The following PAX2 variants were observed in gnomAD, a reference collection of about 807,000 sequenced individuals.
PAX2 encodes the protein paired box protein Pax-2.
In PAX2, 9 loss-of-function variants were observed where a neutral mutation model predicts 41.7. That is an observed-to-expected ratio of 0.22 (90% CI 0.13 to 0.38). PAX2 has a LOEUF of 0.38. PAX2 is among the 10% of genes least tolerant of loss of function. The pLI is 1.00. For missense variants in PAX2, 418 were observed against 531.6 expected (o/e 0.79, Z 2.10); for synonymous variants, 221 against 212.7 (o/e 1.04, Z -0.34).
At chr10:100,774,804 C>T (rs1306884928) in intron 3 of PAX2, among the ~76,000 whole-genome samples, 12 of 152,186 alleles carry the variant, frequency 7.9e-5, no homozygotes, top group Non-Finnish European at 1.3e-4. Context: ...TCACAGGAAA[C>T]AAGTAACAAA....
intron 5 of PAX2, among the ~76,000 whole-genome samples, chr10:100,793,772 ACTGACACCT>A (rs1847223148): frequency 6.6e-6 from 1 of 152,036 alleles, no homozygotes. Flanking sequence ...TACTGAGGAA[ACTGACACCT>A]TCCTCTCTGG....
chr10:100,819,361 G>A (rs747912066), intron 7 of PAX2, among the ~76,000 whole-genome samples: 5 of 152,094 alleles, frequency 3.3e-5, no homozygotes, highest in Admixed American at 2.6e-4. Flanking sequence ...CTGAGGTCAG[G>A]AGTTGGAGAC....
chr10:100,739,014 G>GACACACACACAC (rs61617727), intron 1 of PAX2, among the ~76,000 whole-genome samples: 3,578 of 138,286 alleles, frequency 0.026, 86 homozygotes, highest in Middle Eastern at 0.039. Flanking sequence ...CGCGCACGCG[G>GACACACACACAC]ACACACACAC....
In PAX2 at chr10:100,829,338, C is replaced by T. The variant is rs930930412; in HGVS notation, c.*1719C>T. 1 of 221,842 alleles carries T rather than the reference C, an allele frequency of 4.5e-6. No homozygotes were observed. The highest frequency in any genetic ancestry group is 5.7e-5 in the Admixed American group (1 of 17,396). The allele number at this position is 221,842 out of a possible 1,614,324, so 13.7% of individuals were successfully genotyped here. On this transcript the variant is annotated 3_prime_UTR_variant, in exon 10 of 10. Coordinates refer to ENST00000355243, the MANE Select transcript of PAX2 (RefSeq NM_000278.5). ...TCTTTCCTCGGCCTCTCTCCCCAGA[C>T]CTGGCCCGGCCGCCCTGTCTCCGCA... is the stretch of plus-strand genomic sequence containing the variant.
Position 100,750,510 on chromosome 10 carries a change from C to T in PAX2, c.213-184C>T, listed in dbSNP as rs923161481. Among the ~76,000 whole-genome samples the T allele has an allele frequency of 2.0e-5, 3 of 152,218 alleles. No homozygotes were observed. Among genetic ancestry groups the T allele is most frequent in the African/African-American group, 7.2e-5 (3 of 41,468 alleles). On this transcript the variant is annotated intron_variant, in intron 2 of 9. Coordinates refer to ENST00000355243, the MANE Select transcript of PAX2 (RefSeq NM_000278.5). The surrounding 1 kb of genome is among the most constrained non-coding windows in gnomAD (Gnocchi z 4.1). Reference sequence around the variant, plus strand: ...CTGGAGGGATGGTACCCCTTGTCCTCCTACTCCGCGGCGCTCCTCCTAGCC... The same window carrying T: ...CTGGAGGGATGGTACCCCTTGTCCTTCTACTCCGCGGCGCTCCTCCTAGCC...
intron 3 of PAX2, among the ~76,000 whole-genome samples, chr10:100,756,502 G>C (rs929516538): frequency 6.6e-6 from 1 of 152,164 alleles, no homozygotes; most frequent in Non-Finnish European, 1.5e-5. Flanking sequence ...TCAATAAATT[G>C]CATGAGATAT....
chr10:100,790,736 G>C (rs1388237871), intron 5 of PAX2, among the ~76,000 whole-genome samples: 1 of 152,152 alleles, frequency 6.6e-6, no homozygotes, highest in African/African-American at 2.4e-5. Flanking sequence ...CAGCCTCCTT[G>C]ACCATTGCTG....
intron 3 of PAX2, among the ~76,000 whole-genome samples, chr10:100,772,899 G>A (rs879065199): frequency 6.6e-6 from 1 of 152,234 alleles, no homozygotes; most frequent in Admixed American, 6.5e-5. Flanking sequence ...CATACTTGGA[G>A]ATCCAATGTA....
intron 4 of PAX2, among the ~76,000 whole-genome samples, chr10:100,780,193 A>G (rs1216697836): frequency 1.3e-5 from 2 of 151,076 alleles, no homozygotes. Context: ...TGTCTCACCC[A>G]CTCTGTATCT....
At position 100,828,595 on chromosome 10, in the gene PAX2, C is replaced by G. The variant is rs747147453; in HGVS notation, c.*976C>G. 8.2e-5 allele frequency: 19 copies of G among 233,100 alleles called. No individual in the cohort carries two copies. The highest frequency in any genetic ancestry group is 1.5e-4 in the Non-Finnish European group (18 of 118,134). 14.4% of individuals were successfully genotyped at this position (233,100 alleles called of 1,614,324 possible). A position where few individuals can be genotyped will look rare whatever the true frequency, so the allele number is the denominator to read the frequency against. Reference sequence around the variant, plus strand: ...AGGACCAGTTTCCATAGACTGCGGACTGGGGTCTTCCTCCAGCAGTTACTT... The same window carrying G: ...AGGACCAGTTTCCATAGACTGCGGAGTGGGGTCTTCCTCCAGCAGTTACTT... On this transcript the variant is annotated 3_prime_UTR_variant, in exon 10 of 10. Transcript: ENST00000355243. This position sits in a 1 kb window ranked among gnomAD's most constrained non-coding sequence, Gnocchi z 6.5.
upstream of PAX2, among the ~76,000 whole-genome samples, chr10:100,742,843 C>CATTTTTTT (rs1845014342): frequency 2.4e-5 from 1 of 41,206 alleles, no homozygotes; most frequent in South Asian, 1.1e-3. Flanking sequence ...TTCTTTCTTC[C>CATTTTTTT]TTTTTTTTTT....
chr10:100,760,011 A>G (rs1023501979), intron 3 of PAX2, among the ~76,000 whole-genome samples: 2 of 152,204 alleles, frequency 1.3e-5, no homozygotes, highest in African/African-American at 4.8e-5. Context: ...ACACTCATTC[A>G]GCCTCTTAGT....
chr10:100,755,992 C>T (rs922377619), intron 3 of PAX2, among the ~76,000 whole-genome samples: 1 of 152,006 alleles, frequency 6.6e-6, no homozygotes, highest in East Asian at 1.9e-4. Flanking sequence ...GAATGACAGG[C>T]AATGTTGGAA....
rs201775091 is a variant in PAX2, at chr10:100,779,564, C to T, written c.477C>T (p.Thr159=). The T allele has an allele frequency of 1.1e-5, 18 of 1,589,638 alleles. No individual in the cohort carries two copies. The highest frequency in any genetic ancestry group is 1.7e-4 in the Middle Eastern group (1 of 6,040). ...CGGATGGGGCTGGGACAGGAGTGAC[C>T]GCCCCTGGCCACACCATTGGTAAGA... ...PTPDGAGTGV[T]APGHTIVPST... is the part of the protein sequence containing the mutation. Residue 159 remains threonine (T), a synonymous_variant, in exon 4 of 10, where the codon ACC becomes ACT. Transcript: ENST00000355243.
exon 1 of PAX2, among the ~76,000 whole-genome samples, chr10:100,735,446 G>A (rs764274078): frequency 9.2e-5 from 14 of 152,240 alleles, no homozygotes; most frequent in Non-Finnish European, 2.1e-4. Flanking sequence ...CTCGGTGCGT[G>A]TGCACGCGTG....
intron 8 of PAX2, among the ~76,000 whole-genome samples, chr10:100,825,438 G>T (rs1382784935): frequency 6.6e-6 from 1 of 152,176 alleles, no homozygotes; most frequent in Non-Finnish European, 1.5e-5. Context: ...AGAGACAGAG[G>T]CTGTATTTAA....
chr10:100,824,780 A>G lies in PAX2; in HGVS notation c.1021+31A>G. 6.5e-7 allele frequency: 1 copy of G among 1,530,162 alleles called. No individual in the cohort carries two copies. The highest frequency in any genetic ancestry group is 9.1e-7 in the Non-Finnish European group (1 of 1,103,484). The allele number at this position is 1,530,162 out of a possible 1,614,324, so 94.8% of individuals were successfully genotyped here. ...TGACAATGCTGCAGCTGCCTAATCT[A>G]GGTGGGGGGAACTAAATTGTGGGTG... On this transcript the variant is annotated intron_variant, in intron 8 of 9. Coordinates refer to ENST00000355243, the MANE Select transcript of PAX2 (RefSeq NM_000278.5). This position sits in a 1 kb window ranked among gnomAD's most constrained non-coding sequence, Gnocchi z 6.6.
At position 100,750,105 on chromosome 10, in the gene PAX2, G is replaced by A. The variant is rs1453650669; in HGVS notation, c.212+191G>A. Among the ~76,000 whole-genome samples, 1 of 152,224 alleles carries A rather than the reference G, an allele frequency of 6.6e-6. No individual in the cohort carries two copies. Among genetic ancestry groups the A allele is most frequent in the Non-Finnish European group, 1.5e-5 (1 of 68,048 alleles). ...GGCTGAAGACCCAGGAGCGAGGGTG[G>A]CGCAGTGTCACCCAGTGCTTGCCCT... On this transcript the variant is annotated intron_variant, in intron 2 of 9. Coordinates refer to ENST00000355243, the MANE Select transcript of PAX2 (RefSeq NM_000278.5). The surrounding 1 kb of genome is among the most constrained non-coding windows in gnomAD (Gnocchi z 4.1).
At chr10:100,787,749 C>T (rs1008689133) in intron 5 of PAX2, among the ~76,000 whole-genome samples, 1 of 151,982 alleles carries the variant, frequency 6.6e-6, no homozygotes, top group Admixed American at 6.5e-5. Flanking sequence ...CGGGCACTGG[C>T]TGGGGTTGGG....
Sources: gnomAD v4.1 joint callset for allele counts (sites outside exome capture counted in the v4.1 genomes callset) on GRCh38, gnomAD v4.1.1 for gene constraint, Gnocchi (gnomAD v3.1) non-coding constraint, MANE v1.5 for transcripts, NCBI Gene and HGNC (gene_info 2026-07-23, HGNC 2026-07-21) for gene names.